ADAMTS18: variants seen among roughly 807,000 people sequenced by gnomAD.
ADAMTS18 encodes the protein A disintegrin and metalloproteinase with thrombospondin motifs 18.
Under a neutral mutation model 165.9 loss-of-function variants are expected in ADAMTS18, and 157 were observed. That is an observed-to-expected ratio of 0.95 (90% CI 0.83 to 1.08). The LOEUF (loss-of-function observed/expected upper bound fraction) is 1.08, where lower values mean the gene tolerates loss of function less well. Among genes scored for constraint, ADAMTS18 ranks in the 50% least tolerant of loss-of-function variants. ADAMTS18 has a pLI of 0.00. For missense variants in ADAMTS18, 2,040 were observed against 1,534.0 expected, an observed-to-expected ratio of 1.33 and a Z score of -5.51; for synonymous variants, 782 against 578.2, an observed-to-expected ratio of 1.35 and a Z score of -5.06.
intron 16 of ADAMTS18, among the ~76,000 whole-genome samples, chr16:77,319,369 T>A (rs1355874728): frequency 2.0e-5 from 3 of 152,228 alleles, no homozygotes; most frequent in African/African-American, 7.2e-5. Context: ...TTTGGGTTCC[T>A]GTCCTCTTCC....
At chr16:77,344,344 C>T (rs991086380) in intron 10 of ADAMTS18, among the ~76,000 whole-genome samples, 1 of 151,966 alleles carries the variant, frequency 6.6e-6, no homozygotes, top group Admixed American at 6.6e-5. Flanking sequence ...AGAATATATA[C>T]ATATTCCCGT....
rs578254424 is a variant in ADAMTS18 at position 77,283,888 on chromosome 16, G to T, written c.*68C>A. 604 of 1,240,074 alleles carry T rather than the reference G, an allele frequency of 4.9e-4. 5 individuals are homozygous for T. The African/African-American group carries it at 8.2e-3, about 17-fold the overall frequency. The allele number at this position is 1,240,074 out of a possible 1,614,324, so 76.8% of individuals were successfully genotyped here. ...TCGGTGCTCAGCTCCTGGTCTCAAA[G>T]GCAGCTGGTCTCTCTAGAGGTTGAA... On this transcript the variant is annotated 3_prime_UTR_variant, in exon 23 of 23. Transcript: ENST00000282849.
intron 10 of ADAMTS18, among the ~76,000 whole-genome samples, chr16:77,350,945 T>G (rs1449937801): frequency 2.7e-5 from 4 of 150,870 alleles, no homozygotes; most frequent in Non-Finnish European, 5.9e-5. Context: ...AAAAAAAAAG[T>G]AAAGTGAGGG....
intron 16 of ADAMTS18, among the ~76,000 whole-genome samples, 176 bp downstream of exon 16, chr16:77,319,673 C>T (rs1454408657): frequency 2.0e-5 from 3 of 152,032 alleles, no homozygotes; most frequent in East Asian, 1.9e-4. Context: ...CAACTCCTGC[C>T]CTCAGCTGAT....
intron 17 of ADAMTS18, among the ~76,000 whole-genome samples, chr16:77,298,727 G>A (rs564058431): frequency 1.3e-5 from 2 of 152,100 alleles, no homozygotes; most frequent in African/African-American, 4.8e-5. Flanking sequence ...CAGAGGTCGA[G>A]GCAGCAGTGA....
At chr16:77,393,579 G>A (rs944425357) in intron 3 of ADAMTS18, among the ~76,000 whole-genome samples, 1 of 152,120 alleles carries the variant, frequency 6.6e-6, no homozygotes, top group Non-Finnish European at 1.5e-5. Context: ...TATAAAAGAG[G>A]TCCCAGAGAG....
intron 3 of ADAMTS18, among the ~76,000 whole-genome samples, chr16:77,393,131 T>C (rs993068045): frequency 5.3e-5 from 8 of 152,194 alleles, no homozygotes; most frequent in African/African-American, 1.7e-4. Context: ...CCAGGGACCA[T>C]CTGGTCACCA....
In ADAMTS18 at chr16:77,322,400, T is replaced by A; in HGVS notation, c.2099A>T (p.Lys700Ile). 1 of 1,614,078 alleles carries A rather than the reference T, an allele frequency of 6.2e-7. No homozygotes were observed. Among genetic ancestry groups the A allele is most frequent in the Non-Finnish European group, 8.5e-7 (1 of 1,179,986 alleles). Reference protein sequence around the residue: ...NFEFFFAMSGKVKDGTPCSPN... With the variant: ...NFEFFFAMSGIVKDGTPCSPN... ...GGAGCAGGGAGTTCCATCTTTCACT[T>A]TGCCGGACATTGCAAAAAAAAATTC... is the stretch of plus-strand genomic sequence containing the variant. The change falls in exon 14 of 23, where the codon AAA (lysine) becomes ATA (isoleucine). Residue 700 changes from lysine (K) to isoleucine (I), a missense_variant. Physicochemically the swap from Lys to Ile is moderately radical, Grantham distance 102. Transcript: ENST00000282849.
At chr16:77,337,062 T>G (rs1261011223) in intron 11 of ADAMTS18, among the ~76,000 whole-genome samples, 3 of 152,236 alleles carry the variant, frequency 2.0e-5, no homozygotes, top group Non-Finnish European at 4.4e-5. Context: ...GCACTCTATC[T>G]AGGTTAAGAT....
chr16:77,361,682 G>C (rs769181422), intron 7 of ADAMTS18, among the ~76,000 whole-genome samples: 1 of 152,146 alleles, frequency 6.6e-6, no homozygotes, highest in Non-Finnish European at 1.5e-5. Flanking sequence ...TCAGGAGTTC[G>C]AGACCAGCCT....
chr16:77,383,349 G>C (rs1219172915), intron 3 of ADAMTS18, among the ~76,000 whole-genome samples: 1 of 152,078 alleles, frequency 6.6e-6, no homozygotes, highest in Non-Finnish European at 1.5e-5. Context: ...GCAGCATCTA[G>C]TAGCTTCTCT....
chr16:77,378,063 C>T (rs1350725486), intron 3 of ADAMTS18, among the ~76,000 whole-genome samples: 1 of 152,164 alleles, frequency 6.6e-6, no homozygotes, highest in Non-Finnish European at 1.5e-5. Flanking sequence ...TGTTATAGCA[C>T]ATGCCTGTAA....
intron 10 of ADAMTS18, among the ~76,000 whole-genome samples, chr16:77,349,517 T>C (rs1270799341): frequency 1.5e-5 from 2 of 129,602 alleles, no homozygotes; most frequent in Non-Finnish European, 3.1e-5. Context: ...GTTTATGTCA[T>C]CTTATGTAAA....
At chr16:77,407,508 C>CA (rs1196317039) in intron 3 of ADAMTS18, among the ~76,000 whole-genome samples, 3 of 151,976 alleles carry the variant, frequency 2.0e-5, no homozygotes, top group African/African-American at 7.2e-5. Flanking sequence ...TCCAAAAGTA[C>CA]AAAGATGAGG....
intron 16 of ADAMTS18, among the ~76,000 whole-genome samples, chr16:77,315,258 A>C (rs2055866572): frequency 1.3e-5 from 2 of 152,304 alleles, no homozygotes; most frequent in South Asian, 4.1e-4. Flanking sequence ...TAAAACTATG[A>C]AACTGGCACT....
chr16:77,333,850 G>C (rs1346082025), intron 12 of ADAMTS18, among the ~76,000 whole-genome samples: 1 of 140,052 alleles, frequency 7.1e-6, no homozygotes, highest in Non-Finnish European at 1.5e-5. Flanking sequence ...GTATAATATA[G>C]TATACTATTA....
intron 2 of ADAMTS18, among the ~76,000 whole-genome samples, chr16:77,432,857 G>A (rs2057754939): frequency 6.6e-6 from 1 of 151,320 alleles, no homozygotes; most frequent in Admixed American, 6.6e-5. Context: ...CATTAAAAAA[G>A]AATTCTCCAC....
intron 3 of ADAMTS18, among the ~76,000 whole-genome samples, chr16:77,411,212 G>T (rs987825607): frequency 1.3e-5 from 2 of 152,090 alleles, no homozygotes; most frequent in East Asian, 3.9e-4. Flanking sequence ...TCCTGCTGGG[G>T]TGCTCTTCCT....
chr16:77,341,884 A>G, intron 10 of ADAMTS18, 85 bp from the exon 11 acceptor site: 2 of 1,081,792 alleles, frequency 1.8e-6, no homozygotes, highest in Non-Finnish European at 2.7e-6. Flanking sequence ...ATAATATTAT[A>G]TTTTGGGGTA....
Sources: gnomAD v4.1 joint callset for allele counts (sites outside exome capture counted in the v4.1 genomes callset) on GRCh38, gnomAD v4.1.1 for gene constraint, MANE v1.5 for transcripts, NCBI Gene and HGNC (gene_info 2026-07-23, HGNC 2026-07-21) for gene names.